The following SLC6A3 variants were observed in gnomAD, a reference collection of about 807,000 sequenced individuals.
SLC6A3 encodes the protein solute carrier family 6 member 3, also known as sodium-dependent dopamine transporter.
In SLC6A3, 19 loss-of-function variants were observed where a neutral mutation model predicts 70.4. The ratio of observed to expected loss-of-function variants is 0.27; its 90% CI spans 0.19 to 0.40. The LOEUF (loss-of-function observed/expected upper bound fraction) is 0.40. SLC6A3 is among the 10% of genes least tolerant of loss of function. SLC6A3 has a pLI of 1.00. For missense variants in SLC6A3, 613 were observed against 838.5 expected, an observed-to-expected ratio of 0.73 and a Z score of 3.32; for synonymous variants, 368 against 356.6, an observed-to-expected ratio of 1.03 and a Z score of -0.36.
chr5:1,437,378 A>G lies in SLC6A3; in HGVS notation c.418+3981T>C, dbSNP rs1756864017. 6.6e-6 allele frequency among the ~76,000 whole-genome samples: 1 copy of G among 152,014 alleles called. No individual in the cohort carries two copies. Among genetic ancestry groups the G allele is most frequent in the Admixed American group, 6.6e-5 (1 of 15,252 alleles). On this transcript the variant is annotated intron_variant, in intron 3 of 14. Transcript: ENST00000270349. The surrounding 1 kb of genome is among the most constrained non-coding windows in gnomAD (Gnocchi z 4.8). ...ACCCGAGAGACAGAGAGGAGAAGAG[A>G]CAGAACAGGAGAGAGACAGAGAGGA...
Position 1,405,885 on chromosome 5 carries a change from G to A in SLC6A3, c.1599+303C>T, listed in dbSNP as rs1755966888. ...ACAGGCAGAGGTGAGTGGACAGCCCGACTCACCTCCAGCTTCCCCTCCCAA... is the reference window on the plus strand; with the variant it reads ...ACAGGCAGAGGTGAGTGGACAGCCCAACTCACCTCCAGCTTCCCCTCCCAA... On this transcript the variant is annotated intron_variant, in intron 12 of 14. Transcript: ENST00000270349. The surrounding 1 kb of genome is among the most constrained non-coding windows in gnomAD (Gnocchi z 5.3). Among the ~76,000 whole-genome samples, 2 of 152,202 alleles carry A rather than the reference G, an allele frequency of 1.3e-5. No homozygotes were observed. Among genetic ancestry groups the A allele is most frequent in the African/African-American group, 2.4e-5 (1 of 41,458 alleles).
rs575592508 is a variant in SLC6A3, at chr5:1,397,669, G to A, written c.1840-2911C>T. Reference sequence around the variant, plus strand: ...GCCCTGAGCCCACAACAGTGCTTTCGTGAATGAGAGCAGCATAAAGATGTT... The same window carrying A: ...GCCCTGAGCCCACAACAGTGCTTTCATGAATGAGAGCAGCATAAAGATGTT... On this transcript the variant is annotated intron_variant, in intron 14 of 14. Coordinates refer to ENST00000270349, the MANE Select transcript of SLC6A3 (RefSeq NM_001044.5). This position sits in a 1 kb window ranked among gnomAD's most constrained non-coding sequence, Gnocchi z 4.7. 3.7e-4 allele frequency among the ~76,000 whole-genome samples: 56 copies of A among 152,310 alleles called. No individual in the cohort carries two copies. The highest frequency in any genetic ancestry group is 1.3e-3 in the African/African-American group (54 of 41,554).
At chr5:1,418,927 A>C (rs967649863) in intron 6 of SLC6A3, among the ~76,000 whole-genome samples, 1 of 148,434 alleles carries the variant, frequency 6.7e-6, no homozygotes. Context: ...CCCATCCATC[A>C]TCCATTCATC....
intron 12 of SLC6A3, among the ~76,000 whole-genome samples, chr5:1,403,740 T>C (rs893672525): frequency 1.1e-4 from 17 of 152,230 alleles, no homozygotes; most frequent in Admixed American, 7.2e-4. Context: ...GAAGCAAATC[T>C]GATAAAGTCA....
chr5:1,430,625 C>T (rs1294109037), intron 4 of SLC6A3, among the ~76,000 whole-genome samples: 1 of 152,202 alleles, frequency 6.6e-6, no homozygotes, highest in Non-Finnish European at 1.5e-5. Flanking sequence ...CAGGAGAGGG[C>T]GAAGGTCCCT....
At chr5:1,431,836 G>C (rs1579722427) in intron 4 of SLC6A3, among the ~76,000 whole-genome samples, 3 of 152,268 alleles carry the variant, frequency 2.0e-5, no homozygotes, top group African/African-American at 7.2e-5. Flanking sequence ...GCTGGACATG[G>C]GATACGCTGG....
Position 1,414,760 on chromosome 5 carries a change from C to G in SLC6A3, c.1087G>C (p.Val363Leu). ...NSLTSFSSGF[V>L]VFSFLGYMAQ... Reference sequence around the variant, plus strand: ...ATGTACCCCAGGAAGGAGAAGACGACGAAGCCGGAGGAGAAGCTCGTCAGG... The same window carrying G: ...ATGTACCCCAGGAAGGAGAAGACGAGGAAGCCGGAGGAGAAGCTCGTCAGG... Residue 363 changes from valine (V) to leucine (L), a missense_variant, in exon 8 of 15, where the codon GTC (valine) becomes CTC (leucine). Coordinates refer to ENST00000270349, the MANE Select transcript of SLC6A3 (RefSeq NM_001044.5). 1 of 1,612,856 alleles carries G rather than the reference C, an allele frequency of 6.2e-7. No individual in the cohort carries two copies. Among genetic ancestry groups the G allele is most frequent in the Non-Finnish European group, 8.5e-7 (1 of 1,179,888 alleles).
intron 14 of SLC6A3, among the ~76,000 whole-genome samples, chr5:1,399,257 A>G (rs1456958247): frequency 1.3e-5 from 2 of 152,260 alleles, no homozygotes; most frequent in Non-Finnish European, 2.9e-5. Flanking sequence ...CACAATGGAA[A>G]TTAAAATATA....
intron 6 of SLC6A3, among the ~76,000 whole-genome samples, chr5:1,418,956 C>T (rs566103377): frequency 8.0e-5 from 12 of 150,730 alleles, no homozygotes; most frequent in African/African-American, 2.9e-4. Flanking sequence ...ATCCATCCAT[C>T]CATGCTATCC....
At chr5:1,440,046 G>A (rs531189843) in intron 3 of SLC6A3, among the ~76,000 whole-genome samples, 35 of 152,348 alleles carry the variant, frequency 2.3e-4, no homozygotes, top group Middle Eastern at 6.8e-3. Flanking sequence ...CACTCAACAC[G>A]AGGTGTGTCC....
chr5:1,440,680 G>A (rs752337384), intron 3 of SLC6A3, among the ~76,000 whole-genome samples: 11 of 152,182 alleles, frequency 7.2e-5, no homozygotes, highest in Non-Finnish European at 1.0e-4. Flanking sequence ...TCATAAAAAC[G>A]GGGAATTTGG....
chr5:1,413,421 G>A lies in SLC6A3; in HGVS notation c.1156+1270C>T, dbSNP rs1248273769. Among the ~76,000 whole-genome samples, 2 of 152,174 alleles carry A rather than the reference G, an allele frequency of 1.3e-5. No homozygotes were observed. Among genetic ancestry groups the A allele is most frequent in the East Asian group, 3.8e-4 (2 of 5,198 alleles). The stretch of plus-strand genomic sequence containing the variant: ...GCGTGTTCCTACCTGCGGTGCGAGG[G>A]TCCTAGTGCCCCACTCTGTGAGACT... On this transcript the variant is annotated intron_variant, in intron 8 of 14. Transcript: ENST00000270349. The surrounding 1 kb of genome is among the most constrained non-coding windows in gnomAD (Gnocchi z 7.1).
intron 14 of SLC6A3, among the ~76,000 whole-genome samples, chr5:1,400,563 C>T (rs1384807272): frequency 2.6e-5 from 4 of 152,174 alleles, no homozygotes; most frequent in African/African-American, 9.7e-5. Flanking sequence ...CTTGTGCCCC[C>T]GTGAGGCGGG....
At position 1,397,692 on chromosome 5, in the gene SLC6A3, G is replaced by A. The variant is rs930837981; in HGVS notation, c.1840-2934C>T. On this transcript the variant is annotated intron_variant, in intron 14 of 14. Transcript: ENST00000270349. The surrounding 1 kb of genome is among the most constrained non-coding windows in gnomAD (Gnocchi z 4.7). ...TCGTGAATGAGAGCAGCATAAAGAT[G>A]TTCCCACACACCAATAGTGAGGGAG... Among the ~76,000 whole-genome samples, 2 of 152,172 alleles carry A rather than the reference G, an allele frequency of 1.3e-5. No individual in the cohort carries two copies. Among genetic ancestry groups the A allele is most frequent in the African/African-American group, 4.8e-5 (2 of 41,436 alleles).
rs1209709695 is a variant in SLC6A3, at chr5:1,393,543, C to T, written c.*1192G>A. The T allele has an allele frequency of 1.3e-5, 2 of 154,536 alleles. No homozygotes were observed. The highest frequency in any genetic ancestry group is 2.4e-5 in the African/African-American group (1 of 41,518). The allele number at this position is 154,536 out of a possible 1,614,324, so 9.6% of individuals were successfully genotyped here. On this transcript the variant is annotated 3_prime_UTR_variant, in exon 15 of 15. Transcript: ENST00000270349. ...TGGGGTCCCTTCCTGGAGGTCACGGCTCAAGGCCAGGCAGAGTGTGGTCTG... is the reference window on the plus strand; with the variant it reads ...TGGGGTCCCTTCCTGGAGGTCACGGTTCAAGGCCAGGCAGAGTGTGGTCTG...
chr5:1,415,990 G>C, intron 7 of SLC6A3, 108 bp downstream of exon 7: 2 of 838,374 alleles, frequency 2.4e-6, no homozygotes, highest in Non-Finnish European at 4.1e-6. Context: ...CAGGTTTGCG[G>C]GTTCAGTGGA....
At chr5:1,414,227 C>A (rs1279248788) in intron 8 of SLC6A3, among the ~76,000 whole-genome samples, 2 of 151,746 alleles carry the variant, frequency 1.3e-5, no homozygotes, top group East Asian at 3.9e-4. Flanking sequence ...ATCTAGAGGG[C>A]CCTCAGTGAC....
Position 1,405,444 on chromosome 5 carries a change from G to A in SLC6A3, c.1599+744C>T, listed in dbSNP as rs1482875154. Among the ~76,000 whole-genome samples the A allele has an allele frequency of 6.6e-6, 1 of 152,174 alleles. No homozygotes were observed. Among genetic ancestry groups the A allele is most frequent in the East Asian group, 1.9e-4 (1 of 5,188 alleles). On this transcript the variant is annotated intron_variant, in intron 12 of 14. Transcript: ENST00000270349. The surrounding 1 kb of genome is among the most constrained non-coding windows in gnomAD (Gnocchi z 5.3). ...TGCCCTGTTCCAGTCCCCACCTCGT[G>A]CCTGCTGGACTCGGGAGGTGCTTCT...
chr5:1,394,488 C>A lies in SLC6A3; in HGVS notation c.*247G>T. 1.6e-6 allele frequency: 1 copy of A among 613,970 alleles called. No homozygotes were observed. Among genetic ancestry groups the A allele is most frequent in the Non-Finnish European group, 2.9e-6 (1 of 340,370 alleles). 38.0% of individuals were successfully genotyped at this position (613,970 alleles called of 1,614,324 possible). A position where few individuals can be genotyped will look rare whatever the true frequency, so the allele number is the denominator to read the frequency against. On this transcript the variant is annotated 3_prime_UTR_variant, in exon 15 of 15. Transcript: ENST00000270349. The surrounding 1 kb of genome is among the most constrained non-coding windows in gnomAD (Gnocchi z 4.7). Reference sequence around the variant, plus strand: ...TTTTTCTGCCCTGCAGGGACAACAACGGGGTGGACCTCGCTGCACAGATCT... The same window carrying A: ...TTTTTCTGCCCTGCAGGGACAACAAAGGGGTGGACCTCGCTGCACAGATCT...
Sources: allele counts gnomAD v4.1 joint callset (sites outside exome capture counted in the v4.1 genomes callset), GRCh38; gene constraint gnomAD v4.1.1; non-coding constraint Gnocchi (gnomAD v3.1); transcripts MANE v1.5; gene names NCBI Gene and HGNC (gene_info 2026-07-23, HGNC 2026-07-21).